The following CENPP variants were observed in gnomAD, a reference collection of about 807,000 sequenced individuals.
The protein encoded by CENPP is centromere protein P.
A neutral mutation model predicts 35.6 loss-of-function variants in CENPP; 24 were observed. That is an observed-to-expected ratio of 0.67 (90% CI 0.49 to 0.95). CENPP has a LOEUF of 0.95. Among genes scored for constraint, CENPP ranks in the 40% least tolerant of loss-of-function variants. The pLI is 0.00. For synonymous variants in CENPP, 120 were observed against 125.5 expected, an observed-to-expected ratio of 0.96 and a Z score of 0.29; for missense variants, 332 against 345.3, an observed-to-expected ratio of 0.96 and a Z score of 0.31.
chr9:92,505,445 C>T (rs1846941994), intron 5 of CENPP: 6 of 1,170,044 alleles, frequency 5.1e-6, no homozygotes, highest in African/African-American at 3.2e-5. Context: ...GTTTAATTTA[C>T]ATCACAATAG....
At chr9:92,334,888 A>C (rs1356246308) in intron 2 of CENPP, among the ~76,000 whole-genome samples, 1 of 151,416 alleles carries the variant, frequency 6.6e-6, no homozygotes, top group African/African-American at 2.4e-5. Flanking sequence ...AAAAAAAACC[A>C]AAAAAACAAA....
chr9:92,527,179 T>TTA (rs1194020006), intron 5 of CENPP, among the ~76,000 whole-genome samples: 1 of 152,112 alleles, frequency 6.6e-6, no homozygotes, highest in Non-Finnish European at 1.5e-5. Flanking sequence ...CAGCTGATTT[T>TTA]TATATTTTTT....
intron 5 of CENPP, among the ~76,000 whole-genome samples, chr9:92,499,685 C>T (rs79959995): frequency 6.6e-6 from 1 of 152,194 alleles, no homozygotes; most frequent in Non-Finnish European, 1.5e-5. Flanking sequence ...AAAGTCTTCC[C>T]AAACCCCCAT....
At chr9:92,366,513 T>C (rs989940055) in intron 4 of CENPP, among the ~76,000 whole-genome samples, 4 of 152,228 alleles carry the variant, frequency 2.6e-5, no homozygotes, top group African/African-American at 9.6e-5. Context: ...AGTAAGTATA[T>C]GTGCCCACCA....
chr9:92,459,080 G>T (rs151206801), intron 5 of CENPP, among the ~76,000 whole-genome samples: 59 of 152,218 alleles, frequency 3.9e-4, no homozygotes, highest in African/African-American at 1.4e-3. Flanking sequence ...AGAAGGAAAA[G>T]ATTTCTAATA....
At chr9:92,489,592 G>T (rs4744135) in intron 5 of CENPP, among the ~76,000 whole-genome samples, 60,987 of 151,796 alleles carry the variant, frequency 0.4, 14,270 homozygotes, top group African/African-American at 0.64. Context: ...AAACTTAATT[G>T]TCTTTCCTAT....
intron 5 of CENPP, among the ~76,000 whole-genome samples, chr9:92,409,409 T>G (rs1217717222): frequency 6.6e-6 from 1 of 152,166 alleles, no homozygotes; most frequent in South Asian, 2.1e-4. Context: ...ACAGACAAGG[T>G]TTATTTCTTC....
At chr9:92,586,206 C>T (rs1850537033) in intron 5 of CENPP, among the ~76,000 whole-genome samples, 2 of 152,164 alleles carry the variant, frequency 1.3e-5, no homozygotes, top group East Asian at 1.9e-4. Context: ...CCACCATGCC[C>T]GGCTAATTTT....
intron 5 of CENPP, among the ~76,000 whole-genome samples, chr9:92,402,535 A>G (rs1383060818): frequency 6.6e-6 from 1 of 152,182 alleles, no homozygotes; most frequent in Non-Finnish European, 1.5e-5. Context: ...CTTACCCAGC[A>G]TTCATTTCTG....
intron 5 of CENPP, among the ~76,000 whole-genome samples, chr9:92,435,636 T>A (rs1844228675): frequency 6.6e-6 from 1 of 152,238 alleles, no homozygotes; most frequent in South Asian, 2.1e-4. Context: ...GTTTTGTTAT[T>A]TCAGGAATGT....
intron 5 of CENPP, among the ~76,000 whole-genome samples, chr9:92,484,711 A>G (rs1173543943): frequency 2.0e-5 from 3 of 152,132 alleles, no homozygotes; most frequent in African/African-American, 4.8e-5. Context: ...TTTCTCTTCT[A>G]TACTCACAGG....
At chr9:92,412,513 T>TC (rs79630431) in intron 5 of CENPP, among the ~76,000 whole-genome samples, 5,412 of 152,304 alleles carry the variant, frequency 0.036, 129 homozygotes, top group South Asian at 0.086. Context: ...CTTCTCACTT[T>TC]CCCCATTCCC....
chr9:92,397,179 A>AAAAC (rs1046371616), intron 5 of CENPP, among the ~76,000 whole-genome samples: 2 of 152,096 alleles, frequency 1.3e-5, no homozygotes, highest in African/African-American at 2.4e-5. Context: ...CCTGTCTAAA[A>AAAAC]AAACAAACAA....
intron 5 of CENPP, among the ~76,000 whole-genome samples, chr9:92,509,580 G>A (rs1262721473): frequency 6.6e-6 from 1 of 152,152 alleles, no homozygotes; most frequent in Non-Finnish European, 1.5e-5. Context: ...CAAAACACAT[G>A]GCAGTGCAGG....
chr9:92,355,886 G>A (rs926437440), intron 4 of CENPP, among the ~76,000 whole-genome samples: 2 of 152,164 alleles, frequency 1.3e-5, no homozygotes, highest in Non-Finnish European at 2.9e-5. Context: ...TCTTGTAGGG[G>A]TAGAATAGAC....
intron 4 of CENPP, among the ~76,000 whole-genome samples, chr9:92,363,124 T>C (rs1282531923): frequency 1.3e-5 from 2 of 152,092 alleles, no homozygotes; most frequent in African/African-American, 2.4e-5. Flanking sequence ...TTGTGGGAAA[T>C]GGCATTAGAG....
intron 5 of CENPP, among the ~76,000 whole-genome samples, chr9:92,416,058 G>GTGTATATATATATATATA (rs6151074): frequency 6.9e-5 from 9 of 130,912 alleles, no homozygotes; most frequent in Non-Finnish European, 9.6e-5. Context: ...ATATATGTGT[G>GTGTATATATATATATATA]TATATATATA....
At chr9:92,577,533 A>G (rs534915772) in intron 5 of CENPP, among the ~76,000 whole-genome samples, 4 of 152,296 alleles carry the variant, frequency 2.6e-5, no homozygotes, top group African/African-American at 2.4e-5. Context: ...AAGTCAAAAT[A>G]TATGTTTTAT....
chr9:92,414,636 T>G, intron 5 of CENPP: 1 of 208,526 alleles, frequency 4.8e-6, no homozygotes, highest in Non-Finnish European at 9.8e-6. Context: ...ATGGATGTCA[T>G]AATGGTGAGA....
Sources: gnomAD v4.1 joint callset for allele counts (sites outside exome capture counted in the v4.1 genomes callset) on GRCh38, gnomAD v4.1.1 for gene constraint, MANE v1.5 for transcripts, NCBI Gene and HGNC (gene_info 2026-07-23, HGNC 2026-07-21) for gene names.